Variants in TCF7L2 observed in about 807,000 individuals in gnomAD.
TCF7L2 encodes transcription factor 7 like 2.
TCF7L2 carries 23 observed loss-of-function variants against 77.9 expected under a neutral mutation model. That is an observed-to-expected ratio of 0.30 (90% CI 0.21 to 0.42). The LOEUF (loss-of-function observed/expected upper bound fraction) is 0.42. Among genes scored for constraint, TCF7L2 ranks in the 10% least tolerant of loss-of-function variants. The pLI is 1.00. For synonymous variants in TCF7L2, 413 were observed against 340.2 expected, an observed-to-expected ratio of 1.21 and a Z score of -2.36; for missense variants, 654 against 793.1, an observed-to-expected ratio of 0.82 and a Z score of 2.11.
intron 8 of TCF7L2, among the ~76,000 whole-genome samples, chr10:113,147,464 C>G (rs779987168): frequency 6.6e-6 from 1 of 152,124 alleles, no homozygotes; most frequent in African/African-American, 2.4e-5. Context: ...TTTCTACCTG[C>G]GATATATCAT....
intron 4 of TCF7L2, among the ~76,000 whole-genome samples, chr10:112,982,749 C>T (rs1161103590): frequency 2.6e-5 from 4 of 152,144 alleles, no homozygotes; most frequent in Admixed American, 6.5e-5. Context: ...CTCAGCCTCC[C>T]GAGTAGCTGG....
At position 113,151,034 on chromosome 10, in the gene TCF7L2, A is replaced by T; in HGVS notation, c.912A>T (p.Leu304=). 6.2e-7 allele frequency: 1 copy of T among 1,613,964 alleles called. No individual in the cohort carries two copies. ...ATATGGTCCCACCACATCATACGCT[A>T]CACACGACGGGCATTCCGCATCCGG... The change falls in exon 9 of 14, where the codon CTA becomes CTT. Residue 304 remains leucine, a synonymous_variant. Coordinates refer to ENST00000627217, the MANE Select transcript of TCF7L2 (RefSeq NM_001146274.2). This position sits in a 1 kb window ranked among gnomAD's most constrained non-coding sequence, Gnocchi z 5.2.
rs368741895 is a variant in TCF7L2, at chr10:113,074,058, G to C, written c.552+33932G>C. ...GCTGGCTGTAGCTGGTCACCTCTGG[G>C]TGGTTTCTGGGGCGGTCGCAGGCTG... On this transcript the variant is annotated intron_variant, in intron 5 of 13. Transcript: ENST00000627217. Among the ~76,000 whole-genome samples the C allele has an allele frequency of 7.2e-5, 11 of 152,326 alleles. No homozygotes were observed. The East Asian group carries it at 9.7e-4, about 13-fold the overall frequency.
intron 5 of TCF7L2, among the ~76,000 whole-genome samples, chr10:113,092,770 A>G (rs1432381690): frequency 1.3e-5 from 2 of 152,202 alleles, no homozygotes; most frequent in African/African-American, 2.4e-5. Context: ...AGGCTGAGGC[A>G]GGAGAATTGC....
chr10:113,029,194 A>AT (rs1303431223), intron 4 of TCF7L2, among the ~76,000 whole-genome samples: 2 of 152,138 alleles, frequency 1.3e-5, no homozygotes, highest in Non-Finnish European at 1.5e-5. Flanking sequence ...AGGTTTCTGA[A>AT]TTGCCTGTGG....
chr10:113,012,270 A>G (rs1382864095), intron 4 of TCF7L2, among the ~76,000 whole-genome samples: 2 of 152,226 alleles, frequency 1.3e-5, no homozygotes, highest in African/African-American at 4.8e-5. Context: ...TTTGAGAAGC[A>G]CTGCTTTAGG....
At chr10:112,989,299 GC>G (rs2135417755) in intron 4 of TCF7L2, among the ~76,000 whole-genome samples, 1 of 151,448 alleles carries the variant, frequency 6.6e-6, no homozygotes, top group African/African-American at 2.4e-5. Context: ...AGGACTCGCA[GC>G]CTCAGGTCTG....
intron 4 of TCF7L2, among the ~76,000 whole-genome samples, chr10:112,986,326 A>AT: frequency 6.6e-6 from 1 of 152,220 alleles, no homozygotes; most frequent in Admixed American, 6.5e-5. Flanking sequence ...CTGAGAGTAC[A>AT]GGCTTGGCAC....
intron 4 of TCF7L2, among the ~76,000 whole-genome samples, chr10:112,999,539 A>G (rs757774574): frequency 5.1e-4 from 77 of 152,346 alleles, no homozygotes; most frequent in African/African-American, 1.8e-3. Flanking sequence ...TACCCAAAAG[A>G]TGAAGTTCTC....
At chr10:113,064,612 T>C (rs2056993439) in intron 5 of TCF7L2, among the ~76,000 whole-genome samples, 1 of 152,210 alleles carries the variant, frequency 6.6e-6, no homozygotes, top group Non-Finnish European at 1.5e-5. Context: ...TTTCCCTTTT[T>C]TACCTGGCAT....
chr10:113,019,798 ATT>A (rs76642887), intron 4 of TCF7L2, among the ~76,000 whole-genome samples: 79,315 of 147,664 alleles, frequency 0.54, 23,241 homozygotes, highest in African/African-American at 0.78. Flanking sequence ...AACAGCTGAC[ATT>A]TTTTTTTTTT....
intron 4 of TCF7L2, among the ~76,000 whole-genome samples, chr10:112,991,330 C>A (rs954107086): frequency 2.6e-5 from 4 of 151,922 alleles, no homozygotes; most frequent in African/African-American, 4.8e-5. Flanking sequence ...GAGATCGAAA[C>A]CATCCTGGCT....
intron 4 of TCF7L2, among the ~76,000 whole-genome samples, chr10:112,988,321 A>G (rs2041938680): frequency 6.6e-6 from 1 of 151,996 alleles, no homozygotes; most frequent in Non-Finnish European, 1.5e-5. Flanking sequence ...CTGGTCTCGA[A>G]CTCCTGACCT....
intron 4 of TCF7L2, among the ~76,000 whole-genome samples, chr10:112,992,370 C>T (rs2042718623): frequency 6.6e-6 from 1 of 152,186 alleles, no homozygotes; most frequent in Admixed American, 6.5e-5. Flanking sequence ...GATGCATGCC[C>T]TCCGGGAGAC....
chr10:113,029,379 C>T (rs1263361480), intron 4 of TCF7L2, among the ~76,000 whole-genome samples: 1 of 152,152 alleles, frequency 6.6e-6, no homozygotes, highest in Non-Finnish European at 1.5e-5. Flanking sequence ...GATTCAGCAC[C>T]AACCAAAATC....
At position 112,977,459 on chromosome 10, in the gene TCF7L2, T is replaced by C. The variant is rs541415444; in HGVS notation, c.450+12835T>C. ...TGAGCCAGGCTGCTGGGAGCAGACA[T>C]TGACATACGGGCCGTCATCAAACTA... On this transcript the variant is annotated intron_variant, in intron 4 of 13. Coordinates refer to ENST00000627217, the MANE Select transcript of TCF7L2 (RefSeq NM_001146274.2). Among the ~76,000 whole-genome samples the C allele has an allele frequency of 8.4e-4, 128 of 152,330 alleles. No individual in the cohort carries two copies. In the South Asian group the frequency reaches 0.025, roughly 30 times the overall value.
At chr10:112,993,599 C>T (rs2042973658) in intron 4 of TCF7L2, among the ~76,000 whole-genome samples, 1 of 152,154 alleles carries the variant, frequency 6.6e-6, no homozygotes, top group African/African-American at 2.4e-5. Flanking sequence ...CAAGATTCCT[C>T]AGGGTGCACC....
intron 4 of TCF7L2, among the ~76,000 whole-genome samples, chr10:113,002,497 C>T (rs1438490182): frequency 6.6e-6 from 1 of 152,068 alleles, no homozygotes; most frequent in African/African-American, 2.4e-5. Flanking sequence ...GTCATCCAGC[C>T]CAACATGTCA....
At position 112,962,638 on chromosome 10, in the gene TCF7L2, G is replaced by A. The variant is rs1010038077; in HGVS notation, c.382-1918G>A. 5.3e-5 allele frequency among the ~76,000 whole-genome samples: 8 copies of A among 151,944 alleles called. No individual in the cohort carries two copies. In the East Asian group the frequency reaches 9.7e-4, roughly 18 times the overall value. On this transcript the variant is annotated intron_variant, in intron 3 of 13. Transcript: ENST00000627217. ...TTTGAGATGGAGTCTCACTCTTACCGCCTAGGCTGGAGTGCAGCGATAAGG... is the reference window on the plus strand; with the variant it reads ...TTTGAGATGGAGTCTCACTCTTACCACCTAGGCTGGAGTGCAGCGATAAGG...
Sources: allele counts gnomAD v4.1 joint callset (sites outside exome capture counted in the v4.1 genomes callset), GRCh38; gene constraint gnomAD v4.1.1; non-coding constraint Gnocchi (gnomAD v3.1); transcripts MANE v1.5; gene names NCBI Gene and HGNC (gene_info 2026-07-23, HGNC 2026-07-21).